Variants in PHF20 observed in about 807,000 individuals in gnomAD.
The protein encoded by PHF20 is PHD finger protein 20.
Under a neutral mutation model 113.5 loss-of-function variants are expected in PHF20, and 23 were observed. The observed-to-expected ratio is 0.20, with a 90% CI of 0.15 to 0.29. PHF20 has a LOEUF of 0.29. Ranked by LOEUF, PHF20 falls within the 10% of genes least tolerant of loss-of-function variation. The probability of loss-of-function intolerance (pLI) is 1.00; values close to 1 mark genes in which losing one functional copy is unlikely to be tolerated. For synonymous variants in PHF20, 434 were observed against 457.3 expected (o/e 0.95, Z 0.65); for missense variants, 943 against 1,219.6 (o/e 0.77, Z 3.38).
intron 2 of PHF20, among the ~76,000 whole-genome samples, chr20:35,829,273 T>G (rs545602732): frequency 8.0e-4 from 122 of 152,360 alleles, no homozygotes; most frequent in Admixed American, 2.3e-3. Flanking sequence ...AGGTGTGCAG[T>G]ACAGTTCTGT....
At chr20:35,815,757 G>A (rs1009301422) in intron 2 of PHF20, among the ~76,000 whole-genome samples, 1 of 150,428 alleles carries the variant, frequency 6.6e-6, no homozygotes, top group Admixed American at 6.6e-5. Flanking sequence ...CAGCCACCGC[G>A]CCTGGCATGC....
intron 4 of PHF20, among the ~76,000 whole-genome samples, chr20:35,857,000 G>A (rs1600834000): frequency 6.6e-6 from 1 of 152,160 alleles, no homozygotes; most frequent in Admixed American, 6.6e-5. Context: ...CGGTGGAGGG[G>A]TGTGGGAAGA....
intron 9 of PHF20, among the ~76,000 whole-genome samples, chr20:35,885,916 A>T (rs1051380996): frequency 3.9e-5 from 6 of 152,028 alleles, no homozygotes; most frequent in African/African-American, 1.4e-4. Context: ...TTTTACTGTG[A>T]TGGCTGCCAA....
intron 6 of PHF20, among the ~76,000 whole-genome samples, chr20:35,866,751 G>A (rs1300588946): frequency 6.6e-6 from 1 of 152,196 alleles, no homozygotes; most frequent in Non-Finnish European, 1.5e-5. Context: ...ATGTACAGAA[G>A]TAGTTGTACC....
In PHF20 at chr20:35,842,744, T is replaced by C. The variant is rs374414234; in HGVS notation, c.255T>C (p.Ser85=). The change falls in exon 3 of 18, where the codon TCT becomes TCC. Residue 85 remains serine (S), a splice_region_variant and synonymous_variant. Transcript: ENST00000374012. Reference sequence around the variant, plus strand: ...GCTTGCATGAAGAGGATGGATCTTCTGTGAGTAACAAATCTGGGAAGTTCT... The same window carrying C: ...GCTTGCATGAAGAGGATGGATCTTCCGTGAGTAACAAATCTGGGAAGTTCT... ...KEGLHEEDGS[S]EFQINEQVLA... 6.2e-7 allele frequency: 1 copy of C among 1,612,372 alleles called. No homozygotes were observed. The highest frequency in any genetic ancestry group is 1.3e-5 in the African/African-American group (1 of 74,834).
chr20:35,796,050 C>T (rs1352948678), intron 1 of PHF20, among the ~76,000 whole-genome samples: 2 of 152,092 alleles, frequency 1.3e-5, no homozygotes, highest in African/African-American at 4.8e-5. Flanking sequence ...CGGGGTTTCA[C>T]TATGTTTACC....
intron 1 of PHF20, among the ~76,000 whole-genome samples, chr20:35,776,833 C>T (rs1383793765): frequency 6.6e-6 from 1 of 152,180 alleles, no homozygotes; most frequent in East Asian, 1.9e-4. Flanking sequence ...CCTGCTTCTC[C>T]CCATTTGTAA....
intron 6 of PHF20, among the ~76,000 whole-genome samples, chr20:35,866,392 A>G (rs1223474685): frequency 6.6e-6 from 1 of 152,126 alleles, no homozygotes; most frequent in African/African-American, 2.4e-5. Flanking sequence ...TGAGAATGGT[A>G]CTAGCTGTAT....
At chr20:35,840,741 A>T (rs1301905527) in intron 2 of PHF20, among the ~76,000 whole-genome samples, 1 of 152,176 alleles carries the variant, frequency 6.6e-6, no homozygotes, top group African/African-American at 2.4e-5. Flanking sequence ...CTTCATTTCA[A>T]CAGGATACCT....
intron 2 of PHF20, among the ~76,000 whole-genome samples, chr20:35,835,589 A>C (rs1189739676): frequency 6.6e-6 from 1 of 152,230 alleles, no homozygotes; most frequent in Admixed American, 6.5e-5. Flanking sequence ...ATTCTAGCAG[A>C]GTAATGATAA....
At chr20:35,938,539 C>CCGTGGT in intron 15 of PHF20, 158 bp from the exon 16 acceptor site, 1 of 702,882 alleles carries the variant, frequency 1.4e-6, no homozygotes, top group Non-Finnish European at 2.4e-6. Context: ...TCCTAGGAGA[C>CCGTGGT]CACGGATTCA....
chr20:35,778,247 C>A (rs1434630378), intron 1 of PHF20, among the ~76,000 whole-genome samples: 3 of 152,068 alleles, frequency 2.0e-5, no homozygotes, highest in African/African-American at 4.8e-5. Flanking sequence ...CCATGCCCAA[C>A]TAATTTTTTG....
chr20:35,803,704 G>GTA (rs59158403), intron 2 of PHF20, among the ~76,000 whole-genome samples: 11,323 of 149,686 alleles, frequency 0.076, 1,446 homozygotes, highest in African/African-American at 0.26. Context: ...GTGTGTGTGT[G>GTA]TATATATATA....
In PHF20 at chr20:35,947,909, T is replaced by G. The variant is rs1487344716; in HGVS notation, c.*282T>G. 3.4e-6 allele frequency: 1 copy of G among 297,914 alleles called. No homozygotes were observed. Among genetic ancestry groups the G allele is most frequent in the African/African-American group, 2.1e-5 (1 of 47,218 alleles). 18.5% of individuals were successfully genotyped at this position (297,914 alleles called of 1,614,324 possible). On this transcript the variant is annotated 3_prime_UTR_variant, in exon 18 of 18. Coordinates refer to ENST00000374012, the MANE Select transcript of PHF20 (RefSeq NM_016436.5). ...GAGAGTCTTTTTGCACAAACTTCACTTGAAATTGTGCCACTGATGATAAAC... is the reference window on the plus strand; with the variant it reads ...GAGAGTCTTTTTGCACAAACTTCACGTGAAATTGTGCCACTGATGATAAAC...
chr20:35,904,118 C>T (rs780642235), intron 10 of PHF20, among the ~76,000 whole-genome samples: 39 of 151,954 alleles, frequency 2.6e-4, no homozygotes, highest in Non-Finnish European at 2.8e-4. Flanking sequence ...CACTGGGAGA[C>T]GTTTCACAGT....
intron 9 of PHF20, among the ~76,000 whole-genome samples, chr20:35,899,142 A>T (rs2055045769): frequency 6.6e-6 from 1 of 152,162 alleles, no homozygotes; most frequent in East Asian, 1.9e-4. Flanking sequence ...TGTTTAAAAT[A>T]AACATGTTGA....
At chr20:35,878,783 C>T (rs946689464) in intron 9 of PHF20, 13 of 688,662 alleles carry the variant, frequency 1.9e-5, no homozygotes, top group Admixed American at 4.7e-5. Context: ...TTTAGTTAGA[C>T]GTCTCATTAT....
intron 1 of PHF20, among the ~76,000 whole-genome samples, chr20:35,796,092 C>T (rs182108764): frequency 1.0e-3 from 159 of 152,158 alleles, no homozygotes; most frequent in Non-Finnish European, 1.5e-3. Flanking sequence ...CCTCATGATC[C>T]GCCCGCCTTG....
At chr20:35,900,860 C>T (rs2147060010) in intron 10 of PHF20, among the ~76,000 whole-genome samples, 1 of 152,026 alleles carries the variant, frequency 6.6e-6, no homozygotes, top group African/African-American at 2.4e-5. Context: ...AATAAGCTAG[C>T]ATAAACTCAT....
Sources: gnomAD v4.1 joint callset for allele counts (sites outside exome capture counted in the v4.1 genomes callset) on GRCh38, gnomAD v4.1.1 for gene constraint, MANE v1.5 for transcripts, NCBI Gene and HGNC (gene_info 2026-07-23, HGNC 2026-07-21) for gene names.